The following WWOX variants were observed in gnomAD, a reference collection of about 807,000 sequenced individuals.
WWOX encodes WW domain-containing oxidoreductase.
Under a neutral mutation model 46.2 loss-of-function variants are expected in WWOX, and 69 were observed. The observed-to-expected ratio is 1.49, with a 90% CI of 1.23 to 1.82. The LOEUF (loss-of-function observed/expected upper bound fraction) is 1.82. WWOX is among the 40% of genes most tolerant of loss of function. WWOX has a pLI of 0.00. For synonymous variants in WWOX, 359 were observed against 202.6 expected, an observed-to-expected ratio of 1.77 and a Z score of -6.56; for missense variants, 919 against 542.6, an observed-to-expected ratio of 1.69 and a Z score of -6.89.
chr16:78,692,092 A>G (rs543317355), intron 8 of WWOX, among the ~76,000 whole-genome samples: 1 of 152,324 alleles, frequency 6.6e-6, no homozygotes, highest in African/African-American at 2.4e-5. Context: ...AGTCCAGTTA[A>G]ACCTCTTTTT....
At chr16:79,082,432 A>G (rs2048777794) in intron 8 of WWOX, among the ~76,000 whole-genome samples, 2 of 152,156 alleles carry the variant, frequency 1.3e-5, no homozygotes, top group Admixed American at 1.3e-4. Context: ...TCACCTTCCC[A>G]TGGCCAGGAG....
intron 8 of WWOX, among the ~76,000 whole-genome samples, chr16:79,107,271 C>G (rs2049329935): frequency 6.7e-6 from 1 of 149,252 alleles, no homozygotes; most frequent in Non-Finnish European, 1.5e-5. Flanking sequence ...TATTTTTGAT[C>G]TCATCCTTGC....
chr16:78,784,984 C>A (rs1265839408), intron 8 of WWOX, among the ~76,000 whole-genome samples: 2 of 152,078 alleles, frequency 1.3e-5, no homozygotes, highest in African/African-American at 4.8e-5. Flanking sequence ...GCAGGAGCAG[C>A]CAGAGGAACA....
At chr16:78,825,411 C>T (rs1249903190) in intron 8 of WWOX, 1 of 323,834 alleles carries the variant, frequency 3.1e-6, no homozygotes, top group African/African-American at 2.1e-5. Context: ...TTACACCCAT[C>T]ACGACAGTAA....
Position 79,028,546 on chromosome 16 carries a change from T to C in WWOX, c.1057-183062T>C, listed in dbSNP as rs570824116. Among the ~76,000 whole-genome samples, 27 of 151,774 alleles carry C rather than the reference T, an allele frequency of 1.8e-4. 1 individual carries two copies. The highest frequency in any genetic ancestry group is 6.6e-4 in the African/African-American group (27 of 41,116). On this transcript the variant is annotated intron_variant, in intron 8 of 8. Transcript: ENST00000566780. ...CCTCTCCCTCCCTCCCATCCTTTCT[T>C]GCTTTCTTCCCTCCTCTCTCCTTCC...
At chr16:78,104,298 T>G (rs1482745420) in intron 1 of WWOX, among the ~76,000 whole-genome samples, 2 of 148,616 alleles carry the variant, frequency 1.3e-5, no homozygotes, top group Non-Finnish European at 3.0e-5. Flanking sequence ...CAACTCTAGA[T>G]CTCCCTGCTA....
chr16:78,959,468 C>T (rs1412685291), intron 8 of WWOX, among the ~76,000 whole-genome samples: 3 of 152,194 alleles, frequency 2.0e-5, no homozygotes, highest in African/African-American at 7.2e-5. Context: ...TAAAAACCTT[C>T]ACAGGGTTAG....
At chr16:78,662,068 G>A (rs375512213) in intron 8 of WWOX, among the ~76,000 whole-genome samples, 1 of 152,156 alleles carries the variant, frequency 6.6e-6, no homozygotes, top group East Asian at 1.9e-4. Context: ...AATTGTAGTA[G>A]TAGTAGTGGT....
At chr16:79,045,099 A>T (rs546039512) in intron 8 of WWOX, among the ~76,000 whole-genome samples, 14 of 152,302 alleles carry the variant, frequency 9.2e-5, no homozygotes, top group Non-Finnish European at 1.8e-4. Flanking sequence ...TTTTGCCTCA[A>T]ATTTTAGGCA....
chr16:78,543,677 C>G (rs946961685), intron 8 of WWOX, among the ~76,000 whole-genome samples: 3 of 152,168 alleles, frequency 2.0e-5, no homozygotes, highest in Non-Finnish European at 4.4e-5. Flanking sequence ...GGCATCAAGA[C>G]TATAAGACCC....
chr16:78,581,316 G>A (rs2045046970), intron 8 of WWOX, among the ~76,000 whole-genome samples: 1 of 152,144 alleles, frequency 6.6e-6, no homozygotes, highest in Non-Finnish European at 1.5e-5. Flanking sequence ...CTTTTCTATA[G>A]CTGAGAAAAT....
At chr16:78,632,385 C>T (rs1225049550) in intron 8 of WWOX, among the ~76,000 whole-genome samples, 2 of 151,942 alleles carry the variant, frequency 1.3e-5, no homozygotes, top group African/African-American at 4.8e-5. Context: ...TATTCCGCTA[C>T]CTCCGTATTT....
chr16:78,293,892 C>A (rs2079898917), intron 5 of WWOX, among the ~76,000 whole-genome samples: 1 of 135,834 alleles, frequency 7.4e-6, no homozygotes, highest in South Asian at 2.4e-4. Flanking sequence ...AGGAGAATTG[C>A]TTGAACCCTG....
intron 5 of WWOX, among the ~76,000 whole-genome samples, chr16:78,377,270 G>T (rs921609324): frequency 3.3e-5 from 5 of 152,234 alleles, no homozygotes; most frequent in African/African-American, 1.2e-4. Flanking sequence ...TGTTTATTAA[G>T]AGTCTTCAAC....
intron 8 of WWOX, among the ~76,000 whole-genome samples, chr16:78,460,443 G>C (rs552756582): frequency 3.3e-5 from 5 of 152,174 alleles, no homozygotes; most frequent in Non-Finnish European, 7.3e-5. Flanking sequence ...GTAATAACCT[G>C]TCTTCAGTCT....
intron 8 of WWOX, chr16:79,202,839 G>C (rs2051388039): frequency 6.6e-6 from 1 of 152,174 alleles, no homozygotes; most frequent in Admixed American, 6.5e-5. Context: ...TAGGGGAAGA[G>C]AAAGGCAGCC....
intron 5 of WWOX, among the ~76,000 whole-genome samples, chr16:78,254,256 G>C (rs1195135479): frequency 6.6e-6 from 1 of 151,616 alleles, no homozygotes; most frequent in Admixed American, 6.6e-5. Context: ...TGTAGAGATT[G>C]GTGGCAGGGT....
chr16:78,461,541 G>A (rs1368705117), intron 8 of WWOX, among the ~76,000 whole-genome samples: 2 of 152,188 alleles, frequency 1.3e-5, no homozygotes, highest in African/African-American at 4.8e-5. Flanking sequence ...CCTTTCGCAA[G>A]GATCCCCATG....
intron 8 of WWOX, among the ~76,000 whole-genome samples, chr16:78,739,858 T>TG (rs1383864643): frequency 6.6e-6 from 1 of 152,138 alleles, no homozygotes; most frequent in Non-Finnish European, 1.5e-5. Context: ...TTCCTTATTA[T>TG]GGAAGAAGAA....
Sources: allele counts gnomAD v4.1 joint callset (sites outside exome capture counted in the v4.1 genomes callset), GRCh38; gene constraint gnomAD v4.1.1; transcripts MANE v1.5; gene names NCBI Gene and HGNC (gene_info 2026-07-23, HGNC 2026-07-21).